The following FARP1 variants were observed in gnomAD, a reference collection of about 807,000 sequenced individuals.
FARP1 encodes the protein FERM, ARHGEF and pleckstrin domain-containing protein 1.
A neutral mutation model predicts 128.8 loss-of-function variants in FARP1; 52 were observed. That is an observed-to-expected ratio of 0.40 (90% CI 0.32 to 0.51). FARP1 has a LOEUF of 0.51. FARP1 is among the 20% of genes least tolerant of loss of function. FARP1 has a pLI of 0.45. For missense variants in FARP1, 1,333 were observed against 1,367.9 expected (o/e 0.97, Z 0.40); for synonymous variants, 580 against 551.8 (o/e 1.05, Z -0.72).
Position 98,395,417 on chromosome 13 carries a change from A to T in FARP1, c.1355A>T (p.Glu452Val). The change falls in exon 13 of 27, where the codon GAG becomes GTG. Residue 452 changes from glutamate to valine, a missense_variant. Glu to Val is a moderately radical substitution (Grantham distance 121). Transcript: ENST00000319562. ...GCCTCGGCGCCCACGGAGGAAGAGG[A>T]GGAGGTCGTTAAGGATAGGACCCAG... ...GAASAPTEEE[E>V]EVVKDRTQQS... 6.2e-7 allele frequency: 1 copy of T among 1,611,264 alleles called. No homozygotes were observed. The highest frequency in any genetic ancestry group is 1.3e-5 in the African/African-American group (1 of 75,048).
At chr13:98,216,490 A>T (rs1488142955) in intron 2 of FARP1, among the ~76,000 whole-genome samples, 2 of 152,228 alleles carry the variant, frequency 1.3e-5, no homozygotes, top group Admixed American at 6.5e-5. Flanking sequence ...TGAGCTGGGC[A>T]CGTGGCCAGA....
In FARP1 at chr13:98,177,373, G is replaced by A. The variant is rs1228038232; in HGVS notation, c.-24+33881G>A. 1.1e-4 allele frequency: 72 copies of A among 653,944 alleles called. No homozygotes were observed. The Admixed American group carries it at 1.8e-3, about 16-fold the overall frequency. 40.5% of individuals were successfully genotyped at this position (653,944 alleles called of 1,614,324 possible). ...AAGAAAAGCTTCTGCTAGGCCAGGC[G>A]CGGTGACTCACTCTTGTAATCCCGG... On this transcript the variant is annotated intron_variant, in intron 1 of 26. Transcript: ENST00000319562.
At chr13:98,184,123 TG>T (rs1484372365) in intron 1 of FARP1, among the ~76,000 whole-genome samples, 1 of 152,130 alleles carries the variant, frequency 6.6e-6, no homozygotes, top group Admixed American at 6.6e-5. Context: ...GTTTTTTGTT[TG>T]TTTTTTTTTG....
At chr13:98,412,143 A>C (rs1594506630) in intron 16 of FARP1, 109 bp downstream of exon 16, 1 of 1,060,170 alleles carries the variant, frequency 9.4e-7, no homozygotes, top group Non-Finnish European at 1.4e-6. Flanking sequence ...AAAGGCAGGA[A>C]ACTGGCTTAC....
chr13:98,377,374 CAAAAAAA>C (rs34395673), intron 5 of FARP1, among the ~76,000 whole-genome samples: 1 of 134,604 alleles, frequency 7.4e-6, no homozygotes, highest in African/African-American at 2.7e-5. Context: ...AGTTACACCA[CAAAAAAA>C]AAAAAAAAAA....
chr13:98,409,562 G>T, intron 14 of FARP1, 37 bp downstream of exon 14: 5 of 1,506,010 alleles, frequency 3.3e-6, no homozygotes, highest in Non-Finnish European at 4.5e-6. Context: ...GTGTGGCTGT[G>T]TGTGCACGTG....
At chr13:98,441,359 T>G (rs1892517106) in intron 24 of FARP1, among the ~76,000 whole-genome samples, 1 of 152,222 alleles carries the variant, frequency 6.6e-6, no homozygotes, top group African/African-American at 2.4e-5. Flanking sequence ...GTTTATTTCA[T>G]CGTCATTTTA....
intron 1 of FARP1, among the ~76,000 whole-genome samples, chr13:98,197,704 G>C (rs960681092): frequency 1.3e-5 from 2 of 151,400 alleles, no homozygotes; most frequent in Non-Finnish European, 2.9e-5. Flanking sequence ...GCGCGATCTA[G>C]GCTCACTGCA....
At chr13:98,387,596 C>T (rs1193647240) in intron 8 of FARP1, among the ~76,000 whole-genome samples, 1 of 152,196 alleles carries the variant, frequency 6.6e-6, no homozygotes, top group Non-Finnish European at 1.5e-5. Flanking sequence ...ATTCTAATTT[C>T]AGCTGAGACT....
At chr13:98,305,850 T>A (rs1886128873) in intron 2 of FARP1, among the ~76,000 whole-genome samples, 2 of 136,458 alleles carry the variant, frequency 1.5e-5, no homozygotes, top group East Asian at 2.0e-4. Flanking sequence ...CTTCTTGTAT[T>A]ATTACTTTCC....
intron 2 of FARP1, among the ~76,000 whole-genome samples, chr13:98,323,947 T>C (rs1425986660): frequency 1.3e-5 from 2 of 152,240 alleles, no homozygotes; most frequent in Non-Finnish European, 2.9e-5. Flanking sequence ...CAGAATTGAA[T>C]TTAGTCATTT....
chr13:98,401,840 T>C (rs1357678455), intron 13 of FARP1: 1 of 152,222 alleles, frequency 6.6e-6, no homozygotes, highest in Non-Finnish European at 1.5e-5. Flanking sequence ...GAATAGACTC[T>C]GATTTATTCA....
intron 11 of FARP1, 67 bp from the exon 12 acceptor site, chr13:98,393,576 T>C: frequency 7.5e-7 from 1 of 1,327,556 alleles, no homozygotes; most frequent in Non-Finnish European, 1.1e-6. Context: ...TTTTGTTTCA[T>C]TTAAAACCAA....
chr13:98,289,794 C>T (rs1454829919), intron 2 of FARP1, among the ~76,000 whole-genome samples: 4 of 152,092 alleles, frequency 2.6e-5, no homozygotes, highest in East Asian at 1.9e-4. Flanking sequence ...GACGCCCTCC[C>T]GAAAGCCTGG....
chr13:98,175,219 A>G (rs1877919341), intron 1 of FARP1, among the ~76,000 whole-genome samples: 1 of 152,232 alleles, frequency 6.6e-6, no homozygotes, highest in South Asian at 2.1e-4. Flanking sequence ...GAAAATTTAC[A>G]TAATCTGTGT....
intron 8 of FARP1, 81 bp downstream of exon 8, chr13:98,385,895 G>A: frequency 6.9e-7 from 1 of 1,448,822 alleles, no homozygotes; most frequent in Non-Finnish European, 9.6e-7. Context: ...TTCATATTCA[G>A]TGGGCTAAGA....
chr13:98,190,507 C>T (rs1240231683), intron 1 of FARP1, among the ~76,000 whole-genome samples: 1 of 152,136 alleles, frequency 6.6e-6, no homozygotes, highest in Non-Finnish European at 1.5e-5. Flanking sequence ...TAGCAGGATC[C>T]CTTTCCTTCC....
intron 2 of FARP1, among the ~76,000 whole-genome samples, chr13:98,223,199 G>C (rs1366724852): frequency 1.3e-5 from 2 of 152,224 alleles, no homozygotes; most frequent in Non-Finnish European, 2.9e-5. Flanking sequence ...TTACAGCCTG[G>C]ATGGCTCAGT....
intron 2 of FARP1, among the ~76,000 whole-genome samples, chr13:98,318,901 T>C (rs1271572243): frequency 2.6e-5 from 4 of 152,102 alleles, no homozygotes; most frequent in African/African-American, 7.2e-5. Context: ...ACAAGACATA[T>C]ATGTCTTCAT....
Sources: gnomAD v4.1 joint callset for allele counts (sites outside exome capture counted in the v4.1 genomes callset) on GRCh38, gnomAD v4.1.1 for gene constraint, MANE v1.5 for transcripts, NCBI Gene and HGNC (gene_info 2026-07-23, HGNC 2026-07-21) for gene names.